Variants in ARHGEF9 observed in about 807,000 individuals in gnomAD.
ARHGEF9 encodes rho guanine nucleotide exchange factor 9.
Under a neutral mutation model 41.3 loss-of-function variants are expected in ARHGEF9, and 2 were observed. The observed-to-expected ratio is 0.05, with a 90% CI of 0.02 to 0.15. The LOEUF is 0.15. ARHGEF9 is among the 10% of genes least tolerant of loss of function. The pLI is 1.00. For synonymous variants in ARHGEF9, 160 were observed against 154.4 expected (o/e 1.04, Z -0.27); for missense variants, 225 against 424.7 (o/e 0.53, Z 4.13).
intron 4 of ARHGEF9, among the ~76,000 whole-genome samples, chrX:63,681,660 C>T (rs1261529060): frequency 9.1e-6 from 1 of 110,134 alleles, no homozygotes; most frequent in Non-Finnish European, 1.9e-5. Flanking sequence ...ATCTGATATT[C>T]CACCTCAAGG....
chrX:63,648,692 T>C (rs1281190507), intron 8 of ARHGEF9, among the ~76,000 whole-genome samples: 2 of 111,198 alleles, frequency 1.8e-5, no homozygotes, highest in East Asian at 2.8e-4. Flanking sequence ...CAGTGTGCTG[T>C]ATTCAGGAAA....
chrX:63,692,902 G>C (rs1279705381), intron 4 of ARHGEF9, among the ~76,000 whole-genome samples: 2 of 112,000 alleles, frequency 1.8e-5, no homozygotes, highest in African/African-American at 6.5e-5. Context: ...CCTGTCATTT[G>C]CAGCAACATG....
At chrX:63,721,259 T>A (rs1406905355) in intron 2 of ARHGEF9, among the ~76,000 whole-genome samples, 2 of 111,745 alleles carry the variant, frequency 1.8e-5, no homozygotes, top group Non-Finnish European at 3.8e-5. Context: ...AAAGTTGGGT[T>A]TCCATGACAT....
chrX:63,642,701 G>C, intron 9 of ARHGEF9: 1 of 111,939 alleles, frequency 8.9e-6, no homozygotes, highest in Non-Finnish European at 1.9e-5. Flanking sequence ...CAGGAGACTT[G>C]AATCTGATCA....
At chrX:63,755,228 C>T (rs1290262281) in intron 1 of ARHGEF9, 5 of 937,044 alleles carry the variant, frequency 5.3e-6, no homozygotes, top group Non-Finnish European at 6.6e-6. Flanking sequence ...ATAACAGATG[C>T]CGCAGTAGCA....
chrX:63,674,683 C>T (rs1158294028), intron 5 of ARHGEF9, among the ~76,000 whole-genome samples: 4 of 111,632 alleles, frequency 3.6e-5, no homozygotes, highest in Non-Finnish European at 7.5e-5. Context: ...TTCATCTTCT[C>T]TATCTTAGTG....
intron 4 of ARHGEF9, among the ~76,000 whole-genome samples, chrX:63,691,500 A>G (rs536406771): frequency 8.9e-6 from 1 of 111,856 alleles, no homozygotes; most frequent in African/African-American, 3.2e-5. Flanking sequence ...AAAAAGGGAA[A>G]GATATCCCAT....
At chrX:63,745,556 T>G (rs2055217437) in intron 1 of ARHGEF9, among the ~76,000 whole-genome samples, 1 of 111,604 alleles carries the variant, frequency 9.0e-6, no homozygotes. Flanking sequence ...GGTAGCAAGT[T>G]ACAGCAGGCA....
chrX:63,732,854 T>C lies in ARHGEF9; in HGVS notation c.31-8143A>G, dbSNP rs111877700. 9.1e-3 allele frequency among the ~76,000 whole-genome samples: 1,012 copies of C among 111,814 alleles called. 10 individuals carry two copies. The highest frequency in any genetic ancestry group is 0.032 in the African/African-American group (971 of 30,771). ...TACTTCTGTGCCTCTGATTTGGCCA[T>C]ATCCTTAGCCAATGGTTACACGTAG... is the stretch of plus-strand genomic sequence containing the variant. On this transcript the variant is annotated intron_variant, in intron 1 of 9. Coordinates refer to ENST00000671741, the MANE Select transcript of ARHGEF9 (RefSeq NM_001353921.2).
intron 8 of ARHGEF9, among the ~76,000 whole-genome samples, chrX:63,651,954 G>A (rs1172597192): frequency 9.0e-6 from 1 of 110,784 alleles, no homozygotes; most frequent in African/African-American, 3.3e-5. Flanking sequence ...GTTGAGAAAT[G>A]GCAAACTGAA....
At chrX:63,702,640 C>G (rs1443213660) in intron 3 of ARHGEF9, among the ~76,000 whole-genome samples, 1 of 111,958 alleles carries the variant, frequency 8.9e-6, no homozygotes, top group Non-Finnish European at 1.9e-5. Flanking sequence ...CTTTCCCCTT[C>G]AACAAGTACA....
chrX:63,748,059 T>A lies in ARHGEF9; in HGVS notation c.31-23348A>T, dbSNP rs781914923. ...GCAGATGCTTGCTATGAACCTAGCA[T>A]ATCTTGATGCCCACAAAGCATACAA... On this transcript the variant is annotated intron_variant, in intron 1 of 9. Transcript: ENST00000671741. Among the ~76,000 whole-genome samples, 35 of 112,335 alleles carry A rather than the reference T, an allele frequency of 3.1e-4. 1 individual carries two copies. The Middle Eastern group carries it at 0.018, about 59-fold the overall frequency.
chrX:63,664,017 C>T (rs1326759819), intron 7 of ARHGEF9, among the ~76,000 whole-genome samples: 1 of 111,940 alleles, frequency 8.9e-6, no homozygotes, highest in Non-Finnish European at 1.9e-5. Flanking sequence ...CTTGTGAAAA[C>T]AAGAAAGCTC....
rs1274802938 is a variant in ARHGEF9 at position 63,655,693 on chromosome X, G to A, written c.1122C>T (p.Asp374=). ...TGTCAACTACCTCATATTTATCCAT[G>A]TCAATGCGGCCTTTGTAGTACAGGA... ...RDILYYKGRI[D]MDKYEVVDIE... is the part of the protein sequence containing the mutation. The change falls in exon 8 of 10, where the codon GAC becomes GAT. Residue 374 remains aspartate (D), a synonymous_variant. Transcript: ENST00000671741. 5.0e-6 allele frequency: 6 copies of A among 1,208,217 alleles called. No homozygotes were observed. In the East Asian group the frequency reaches 1.5e-4, roughly 30 times the overall value.
rs781922030 is a variant in ARHGEF9, at chrX:63,732,089, A to T, written c.31-7378T>A. 11 of 112,144 alleles carry T rather than the reference A, an allele frequency of 9.8e-5. No individual in the cohort carries two copies. The Admixed American group carries it at 1.0e-3, about 11-fold the overall frequency. The allele number at this position is 112,144 out of a possible 1,213,427, so 9.2% of individuals were successfully genotyped here. ...TTTCCTGAAGATAACTCACTCAAGC[A>T]TTGCTGGCAACACAGTCAGACTACC... On this transcript the variant is annotated intron_variant, in intron 1 of 9. Transcript: ENST00000671741.
chrX:63,636,738 C>G lies in ARHGEF9; in HGVS notation c.*1290G>C. The G allele has an allele frequency of 3.4e-6, 1 of 293,944 alleles. No individual in the cohort carries two copies. The highest frequency in any genetic ancestry group is 5.9e-6 in the Non-Finnish European group (1 of 168,208). The allele number at this position is 293,944 out of a possible 1,213,427, so 24.2% of individuals were successfully genotyped here. ...CACAATTTTAGGGTGGTAGAAAATG[C>G]AGGTACAATACTGTGGATCAAGGCT... On this transcript the variant is annotated 3_prime_UTR_variant, in exon 10 of 10. Transcript: ENST00000671741.
In ARHGEF9 at chrX:63,713,701, T is replaced by TACACACACACAC. The variant is rs59012226; in HGVS notation, c.211-7264_211-7253dup. On this transcript the variant is annotated intron_variant, in intron 2 of 9. Coordinates refer to ENST00000671741, the MANE Select transcript of ARHGEF9 (RefSeq NM_001353921.2). ...TTGCAAGCAGAGCTCCCACTTCACA[T>TACACACACACAC]ACACACACACACACACACACACACA... is the stretch of plus-strand genomic sequence containing the variant. Among the ~76,000 whole-genome samples, 209 of 94,297 alleles carry TACACACACACAC rather than the reference T, an allele frequency of 2.2e-3. 2 individuals carry two copies. Among genetic ancestry groups the TACACACACACAC allele is most frequent in the African/African-American group, 7.0e-3 (175 of 25,126 alleles). 81.9% of individuals were successfully genotyped at this position (94,297 alleles called of 115,157 possible).
intron 1 of ARHGEF9, among the ~76,000 whole-genome samples, chrX:63,774,329 C>A (rs1222122213): frequency 9.0e-6 from 1 of 111,439 alleles, no homozygotes; most frequent in African/African-American, 3.3e-5. Context: ...TCATTTCAGT[C>A]AGAGTATTTG....
chrX:63,774,260 C>A (rs782160872), intron 1 of ARHGEF9, among the ~76,000 whole-genome samples: 2 of 111,470 alleles, frequency 1.8e-5, no homozygotes, highest in South Asian at 3.8e-4. Flanking sequence ...AGGACTCAAA[C>A]CCAGGTCCAT....
Sources: gnomAD v4.1 joint callset for allele counts (sites outside exome capture counted in the v4.1 genomes callset) on GRCh38, gnomAD v4.1.1 for gene constraint, MANE v1.5 for transcripts, NCBI Gene and HGNC (gene_info 2026-07-23, HGNC 2026-07-21) for gene names.